ASRGL1: variants seen among roughly 807,000 people sequenced by gnomAD.
ASRGL1 encodes isoaspartyl peptidase/L-asparaginase.
Under a neutral mutation model 22.4 loss-of-function variants are expected in ASRGL1, and 16 were observed. The observed-to-expected ratio is 0.71, with a 90% CI of 0.48 to 1.08. The LOEUF is 1.08. Ranked by LOEUF, ASRGL1 falls within the 50% of genes least tolerant of loss-of-function variation. ASRGL1 has a pLI of 0.00. For missense variants in ASRGL1, 412 were observed against 410.1 expected (o/e 1.00, Z -0.04); for synonymous variants, 165 against 159.3 (o/e 1.04, Z -0.27).
chr11:62,344,309 C>G (rs1445299173), intron 2 of ASRGL1, among the ~76,000 whole-genome samples: 1 of 152,052 alleles, frequency 6.6e-6, no homozygotes, highest in African/African-American at 2.4e-5. Flanking sequence ...TAGCTTTTAT[C>G]AGATGTGTCA....
chr11:62,355,858 C>T (rs1178868458), intron 2 of ASRGL1, among the ~76,000 whole-genome samples: 1 of 152,082 alleles, frequency 6.6e-6, no homozygotes, highest in Non-Finnish European at 1.5e-5. Flanking sequence ...ATTTGTTTAA[C>T]AAAGCACATC....
At chr11:62,358,831 C>G (rs534620123) in intron 4 of ASRGL1, among the ~76,000 whole-genome samples, 22 of 152,274 alleles carry the variant, frequency 1.4e-4, no homozygotes, top group African/African-American at 5.1e-4. Context: ...CTGTTGACAT[C>G]AGAAATGGAC....
rs5792257 is a variant in ASRGL1 at position 62,392,568 on chromosome 11, C to CA, written c.*301dup. On this transcript the variant is annotated 3_prime_UTR_variant, in exon 7 of 7. Transcript: ENST00000415229. ...TGGGCAACAGAGCCAGGCCCTGTAT[C>CA]AAAAAAAAAAAAAAAAAGAAAAGGG... 4,402 of 287,712 alleles carry CA rather than the reference C, an allele frequency of 0.015. 52 individuals are homozygous for CA. The highest frequency in any genetic ancestry group is 0.02 in the Non-Finnish European group (3,161 of 154,456). 17.8% of individuals were successfully genotyped at this position (287,712 alleles called of 1,614,324 possible). A position where few individuals can be genotyped will look rare whatever the true frequency, so the allele number is the denominator to read the frequency against.
the ASRGL1 span, among the ~76,000 whole-genome samples, chr11:62,399,158 G>A: frequency 0.31 from 47,092 of 152,054 alleles, 8,424 homozygotes; most frequent in Middle Eastern, 0.47. Flanking sequence ...AGAGGTTGAA[G>A]TGAGCCAGGA....
chr11:62,357,135 A>T lies in ASRGL1; in HGVS notation c.482A>T (p.Asp161Val). 6.2e-7 allele frequency: 1 copy of T among 1,613,160 alleles called. No individual in the cohort carries two copies. Among genetic ancestry groups the T allele is most frequent in the Non-Finnish European group, 8.5e-7 (1 of 1,179,786 alleles). Residue 161 changes from aspartate to valine, a missense_variant, in exon 4 of 7, where the codon GAT (aspartate) becomes GTT (valine). Coordinates refer to ENST00000415229, the MANE Select transcript of ASRGL1 (RefSeq NM_001083926.2). ...EKHEKGAQKT[D>V]CQKNLGTVGA... ...CATGAAAAAGGTGCTCAGAAAACAG[A>T]TTGTCAAAAGTAAGTCTTACCTGTG...
chr11:62,370,573 A>G (rs1441780012), intron 4 of ASRGL1, among the ~76,000 whole-genome samples: 1 of 152,122 alleles, frequency 6.6e-6, no homozygotes, highest in Non-Finnish European at 1.5e-5. Context: ...CCAAGGGTAG[A>G]AAGACTGTAA....
intron 4 of ASRGL1, among the ~76,000 whole-genome samples, chr11:62,359,108 G>A (rs1946373304): frequency 6.6e-6 from 1 of 152,146 alleles, no homozygotes; most frequent in South Asian, 2.1e-4. Flanking sequence ...TGCACATGGG[G>A]ACTGTTACTC....
chr11:62,372,104 A>G, intron 4 of ASRGL1: 1 of 783,618 alleles, frequency 1.3e-6, no homozygotes, highest in Non-Finnish European at 2.3e-6. Flanking sequence ...CAGCCTCCTC[A>G]TCACCACAGA....
intron 2 of ASRGL1, among the ~76,000 whole-genome samples, chr11:62,355,684 G>C (rs1946271428): frequency 1.3e-5 from 2 of 151,158 alleles, no homozygotes; most frequent in Admixed American, 1.3e-4. Flanking sequence ...GATTTGGCAG[G>C]GTCATAGGAC....
At chr11:62,387,043 C>T (rs1947230913) in intron 4 of ASRGL1, among the ~76,000 whole-genome samples, 1 of 148,608 alleles carries the variant, frequency 6.7e-6, no homozygotes, top group Admixed American at 6.8e-5. Context: ...CAGACACACG[C>T]CACCACACTT....
Position 62,372,326 on chromosome 11 carries a change from G to C in ASRGL1, c.491+15182G>C, listed in dbSNP as rs1946795584. ...TGGGGCAGCTGGGCCTTGGCAACTA[G>C]ACAGACGCTGTCCCCAGCCCTGTGC... On this transcript the variant is annotated intron_variant, in intron 4 of 6. Transcript: ENST00000415229. 4 of 1,597,792 alleles carry C rather than the reference G, an allele frequency of 2.5e-6. No individual in the cohort carries two copies. The Admixed American group carries it at 6.7e-5, about 27-fold the overall frequency.
chr11:62,365,300 T>G (rs1394031969), intron 4 of ASRGL1, among the ~76,000 whole-genome samples: 1 of 152,038 alleles, frequency 6.6e-6, no homozygotes, highest in African/African-American at 2.4e-5. Context: ...ATGCCTCTAA[T>G]CCCAGCACTT....
downstream of ASRGL1, among the ~76,000 whole-genome samples, chr11:62,395,231 G>T: frequency 6.6e-6 from 1 of 152,188 alleles, no homozygotes; most frequent in Non-Finnish European, 1.5e-5. Context: ...GCTCTGCCCT[G>T]GGCGCTGCCA....
intron 2 of ASRGL1, among the ~76,000 whole-genome samples, chr11:62,352,723 T>C (rs1302548195): frequency 6.6e-6 from 1 of 152,242 alleles, no homozygotes; most frequent in Non-Finnish European, 1.5e-5. Context: ...TATAGTTCTT[T>C]TCTTCAGCAC....
downstream of ASRGL1, among the ~76,000 whole-genome samples, chr11:62,394,036 A>AT: frequency 6.9e-6 from 1 of 144,362 alleles, no homozygotes; most frequent in Non-Finnish European, 1.5e-5. Context: ...ATTATATAAT[A>AT]TATAAGTTAC....
intron 4 of ASRGL1, chr11:62,371,545 A>G (rs900062381): frequency 7.2e-6 from 5 of 696,538 alleles, no homozygotes; most frequent in Admixed American, 3.7e-5. Context: ...CTCTAATCTC[A>G]AGTACCCAGG....
chr11:62,396,654 T>C (rs905165776), downstream of ASRGL1, among the ~76,000 whole-genome samples: 1 of 152,186 alleles, frequency 6.6e-6, no homozygotes, highest in Non-Finnish European at 1.5e-5. Flanking sequence ...CATGGACAGC[T>C]CTAGCTTTCA....
intron 2 of ASRGL1, among the ~76,000 whole-genome samples, chr11:62,345,269 G>A (rs554485771): frequency 6.6e-6 from 1 of 152,068 alleles, no homozygotes. Context: ...TGTATTCTTA[G>A]ATTTTTGAGG....
chr11:62,372,763 C>T, intron 4 of ASRGL1: 2 of 1,553,402 alleles, frequency 1.3e-6, no homozygotes, highest in Non-Finnish European at 1.8e-6. Context: ...GGGCATGGGG[C>T]TTCCCAGATC....
Sources: allele counts gnomAD v4.1 joint callset (sites outside exome capture counted in the v4.1 genomes callset), GRCh38; gene constraint gnomAD v4.1.1; transcripts MANE v1.5; gene names NCBI Gene and HGNC (gene_info 2026-07-23, HGNC 2026-07-21).